PVT1: variants seen among roughly 807,000 people sequenced by gnomAD.
The protein encoded by PVT1 is CXCR4/PVT1 fusion.
At chr8:128,030,591 C>T (rs1813376533) in intron 4 of PVT1, among the ~76,000 whole-genome samples, 1 of 152,184 alleles carries the variant, frequency 6.6e-6, no homozygotes. Flanking sequence ...AGAAGCTTCT[C>T]TGGGAAGGCT....
chr8:127,979,682 T>C (rs1472916119), intron 3 of PVT1, among the ~76,000 whole-genome samples: 1 of 152,126 alleles, frequency 6.6e-6, no homozygotes, highest in Non-Finnish European at 1.5e-5. Context: ...TTGTCCTGAA[T>C]TGAGGTGAGG....
At chr8:127,868,444 A>G (rs189100856) in intron 2 of PVT1, among the ~76,000 whole-genome samples, 11 of 152,070 alleles carry the variant, frequency 7.2e-5, no homozygotes, top group South Asian at 2.1e-4. Flanking sequence ...TTGGAGTACA[A>G]TGGTATGAAC....
intron 3 of PVT1, among the ~76,000 whole-genome samples, chr8:127,973,931 G>T (rs1816792872): frequency 1.3e-5 from 2 of 151,130 alleles, no homozygotes; most frequent in African/African-American, 4.9e-5. Flanking sequence ...AGTGAGCCGA[G>T]ATCGCACCAC....
At chr8:127,968,929 G>A (rs1053580675) in intron 3 of PVT1, among the ~76,000 whole-genome samples, 3 of 152,138 alleles carry the variant, frequency 2.0e-5, no homozygotes, top group Non-Finnish European at 2.9e-5. Flanking sequence ...GGCAAGGAAG[G>A]GTTTCCCCTC....
intron 4 of PVT1, among the ~76,000 whole-genome samples, chr8:128,035,978 A>G (rs1813456867): frequency 6.6e-6 from 1 of 152,232 alleles, no homozygotes; most frequent in Non-Finnish European, 1.5e-5. Flanking sequence ...GTAAGAGGAT[A>G]AATTTGTGTT....
chr8:127,961,611 C>T (rs1816643644), intron 3 of PVT1, among the ~76,000 whole-genome samples: 1 of 152,194 alleles, frequency 6.6e-6, no homozygotes, highest in Non-Finnish European at 1.5e-5. Flanking sequence ...AGCAAGCTGC[C>T]TTGAAGACTC....
chr8:127,873,739 G>A (rs1050518664), intron 2 of PVT1, among the ~76,000 whole-genome samples: 3 of 152,212 alleles, frequency 2.0e-5, no homozygotes, highest in African/African-American at 7.2e-5. Flanking sequence ...GCTTCCCAGA[G>A]GAGGCCTTTG....
At chr8:127,892,299 A>G (rs1337414383) in intron 3 of PVT1, among the ~76,000 whole-genome samples, 1 of 152,178 alleles carries the variant, frequency 6.6e-6, no homozygotes, top group Non-Finnish European at 1.5e-5. Context: ...TTTCTCTCAC[A>G]CTAGAAAGTA....
At chr8:127,828,932 A>C (rs529766146) in intron 2 of PVT1, among the ~76,000 whole-genome samples, 1 of 152,170 alleles carries the variant, frequency 6.6e-6, no homozygotes, top group Non-Finnish European at 1.5e-5. Context: ...TAAACTTGTT[A>C]GCATCTGAGA....
At chr8:127,921,939 C>A (rs994535515) in intron 3 of PVT1, among the ~76,000 whole-genome samples, 1 of 123,080 alleles carries the variant, frequency 8.1e-6, no homozygotes, top group Non-Finnish European at 1.6e-5. Flanking sequence ...TAGCTCACTG[C>A]AACCTCTGCC....
intron 4 of PVT1, among the ~76,000 whole-genome samples, chr8:128,029,423 T>C (rs1813362147): frequency 6.6e-6 from 1 of 152,208 alleles, no homozygotes; most frequent in Admixed American, 6.5e-5. Flanking sequence ...CCATTGTGCC[T>C]GGCCTCCTAT....
At chr8:127,963,572 C>T (rs756659286) in intron 3 of PVT1, among the ~76,000 whole-genome samples, 2 of 151,946 alleles carry the variant, frequency 1.3e-5, no homozygotes, top group Non-Finnish European at 2.9e-5. Flanking sequence ...GCACCCCCCA[C>T]CCCCCTCCAC....
chr8:127,831,397 C>T (rs957717119), intron 2 of PVT1, among the ~76,000 whole-genome samples: 10 of 151,878 alleles, frequency 6.6e-5, no homozygotes, highest in South Asian at 2.1e-4. Context: ...AGATTGTGGG[C>T]GCAGAGAGTT....
At chr8:128,092,374 G>C (rs1814367812) in intron 5 of PVT1, among the ~76,000 whole-genome samples, 1 of 152,164 alleles carries the variant, frequency 6.6e-6, no homozygotes, top group Non-Finnish European at 1.5e-5. Flanking sequence ...GCCTTCCTCT[G>C]ACTGATCCAG....
intron 3 of PVT1, among the ~76,000 whole-genome samples, chr8:127,949,583 G>T (rs1816478660): frequency 6.6e-6 from 1 of 151,302 alleles, no homozygotes; most frequent in Non-Finnish European, 1.5e-5. Flanking sequence ...ATTGACTTTG[G>T]CTCCTGTCCT....
At chr8:128,020,387 G>T (rs1477870501) in intron 4 of PVT1, among the ~76,000 whole-genome samples, 1 of 152,182 alleles carries the variant, frequency 6.6e-6, no homozygotes, top group Non-Finnish European at 1.5e-5. Flanking sequence ...GGTTTTCTCC[G>T]ACTGTGATCA....
intron 4 of PVT1, chr8:128,008,872 G>T: frequency 2.0e-6 from 1 of 499,344 alleles, no homozygotes; most frequent in African/African-American, 1.9e-5. Flanking sequence ...AGAAGCTATG[G>T]TCAGGCTTAC....
chr8:127,858,386 G>T (rs753285075), intron 2 of PVT1, among the ~76,000 whole-genome samples: 4 of 150,972 alleles, frequency 2.6e-5, no homozygotes, highest in Non-Finnish European at 5.9e-5. Context: ...CAGCCTGGGT[G>T]ACAGAGTGAG....
intron 3 of PVT1, among the ~76,000 whole-genome samples, chr8:127,896,874 C>A (rs1240115350): frequency 2.7e-5 from 4 of 149,902 alleles, no homozygotes; most frequent in Admixed American, 6.7e-5. Flanking sequence ...ACCTCTGAAT[C>A]TATTTGTTAC....
Sources: gnomAD v4.1 joint callset for allele counts (sites outside exome capture counted in the v4.1 genomes callset) on GRCh38, gnomAD v4.1.1 for gene constraint, MANE v1.5 for transcripts, NCBI Gene and HGNC (gene_info 2026-07-23, HGNC 2026-07-21) for gene names.